OSBPL8: variants seen among roughly 807,000 people sequenced by gnomAD.
OSBPL8 encodes the protein oxysterol-binding protein-related protein 8.
In OSBPL8, 59 loss-of-function variants were observed where a neutral mutation model predicts 125.5. The ratio of observed to expected loss-of-function variants is 0.47; its 90% CI spans 0.38 to 0.58. The LOEUF (loss-of-function observed/expected upper bound fraction) is 0.58, where lower values mean the gene tolerates loss of function less well. Among genes scored for constraint, OSBPL8 ranks in the 20% least tolerant of loss-of-function variants. OSBPL8 has a pLI of 0.00. For missense variants in OSBPL8, 758 were observed against 1,047.8 expected, an observed-to-expected ratio of 0.72 and a Z score of 3.82; for synonymous variants, 330 against 338.9, an observed-to-expected ratio of 0.97 and a Z score of 0.29.
intron 4 of OSBPL8, among the ~76,000 whole-genome samples, chr12:76,445,753 T>C (rs1872661779): frequency 1.3e-5 from 2 of 152,288 alleles, no homozygotes; most frequent in South Asian, 2.1e-4. Flanking sequence ...CTAAGAGGAA[T>C]GTAAGAACGG....
intron 1 of OSBPL8, among the ~76,000 whole-genome samples, chr12:76,559,119 G>A (rs4761429): frequency 0.74 from 112,018 of 152,040 alleles, 41,671 homozygotes; most frequent in East Asian, 0.92. Flanking sequence ...ACAGACACCC[G>A]GGGCGGTCGA....
intron 4 of OSBPL8, chr12:76,422,789 AAGG>A (rs1869664677): frequency 6.6e-6 from 2 of 302,114 alleles, no homozygotes; most frequent in Non-Finnish European, 1.4e-5. Context: ...TTTAACAGCA[AAGG>A]AGAAGGACCA....
intron 8 of OSBPL8, 93 bp from the exon 9 acceptor site, chr12:76,394,822 T>G (rs1953724086): frequency 2.4e-6 from 2 of 830,574 alleles, no homozygotes; most frequent in South Asian, 2.2e-5. Flanking sequence ...ATAATCTAAA[T>G]CAGGTATGGA....
intron 21 of OSBPL8, among the ~76,000 whole-genome samples, chr12:76,364,609 C>T (rs1017064005): frequency 6.6e-6 from 1 of 152,228 alleles, no homozygotes; most frequent in Admixed American, 6.5e-5. Flanking sequence ...TGTAACAAAC[C>T]TGCACATTCT....
chr12:76,521,200 A>C (rs117502483), intron 1 of OSBPL8, among the ~76,000 whole-genome samples: 1 of 152,332 alleles, frequency 6.6e-6, no homozygotes, highest in East Asian at 1.9e-4. Context: ...GGGTTTCCAC[A>C]ACAGTCAAAA....
intron 1 of OSBPL8, among the ~76,000 whole-genome samples, chr12:76,546,415 G>A (rs1221398519): frequency 6.6e-6 from 1 of 151,640 alleles, no homozygotes; most frequent in Admixed American, 6.6e-5. Flanking sequence ...AAATTCTTGG[G>A]AAAATAATAA....
At chr12:76,447,735 T>C (rs1439490749) in intron 4 of OSBPL8, among the ~76,000 whole-genome samples, 5 of 152,200 alleles carry the variant, frequency 3.3e-5, no homozygotes, top group Admixed American at 1.3e-4. Flanking sequence ...TAAGTAGAGA[T>C]GGGGTTTCAC....
At chr12:76,449,662 T>C (rs1359109365) in intron 4 of OSBPL8, among the ~76,000 whole-genome samples, 3 of 152,200 alleles carry the variant, frequency 2.0e-5, no homozygotes, top group Non-Finnish European at 4.4e-5. Context: ...AAGATTTTAA[T>C]ATTCTGTGCA....
At position 76,379,269 on chromosome 12, in the gene OSBPL8, A is replaced by G. The variant is rs573666954; in HGVS notation, c.1631-719T>C. 1.3e-3 allele frequency among the ~76,000 whole-genome samples: 196 copies of G among 152,308 alleles called. 1 individual carries two copies. The highest frequency in any genetic ancestry group is 0.01 in the Middle Eastern group (3 of 294). On this transcript the variant is annotated intron_variant, in intron 15 of 23. Transcript: ENST00000261183. ...ATAATTAATCCTATAGACAATTTAG[A>G]AAAATAAAAAATATATATAAAGCAC... is the stretch of plus-strand genomic sequence containing the variant.
At chr12:76,543,520 T>A (rs951670814) in intron 1 of OSBPL8, among the ~76,000 whole-genome samples, 1 of 152,160 alleles carries the variant, frequency 6.6e-6, no homozygotes. Flanking sequence ...ATTGTGCAAT[T>A]AGGAGTTTAC....
chr12:76,484,587 T>C lies in OSBPL8; in HGVS notation c.42+2923A>G, dbSNP rs534155148. On this transcript the variant is annotated intron_variant, in intron 2 of 23. Transcript: ENST00000261183. ...GGGAGGTAGATATTACAATTATCTC[T>C]ATTTATAAGGAAACTAGAAACCTGG... Among the ~76,000 whole-genome samples the C allele has an allele frequency of 9.2e-5, 14 of 152,346 alleles. No individual in the cohort carries two copies. The South Asian group carries it at 1.7e-3, about 18-fold the overall frequency.
intron 18 of OSBPL8, 50 bp from the exon 19 acceptor site, chr12:76,371,634 C>T (rs1223918307): frequency 2.1e-6 from 3 of 1,435,640 alleles, no homozygotes; most frequent in African/African-American, 2.9e-5. Context: ...ACTTAGAAGG[C>T]AATTATATAG....
intron 1 of OSBPL8, among the ~76,000 whole-genome samples, chr12:76,530,604 G>A (rs1009478): frequency 0.31 from 47,013 of 151,842 alleles, 7,597 homozygotes; most frequent in Non-Finnish European, 0.36. Context: ...ATCCCCACAT[G>A]TAAGTATAGT....
intron 1 of OSBPL8, among the ~76,000 whole-genome samples, chr12:76,542,575 TA>T (rs1950677031): frequency 1.3e-5 from 2 of 152,220 alleles, no homozygotes; most frequent in South Asian, 4.1e-4. Context: ...GCATTTCTAC[TA>T]AGTTCCCAAG....
chr12:76,399,528 T>C (rs550096219), intron 7 of OSBPL8, among the ~76,000 whole-genome samples: 1 of 152,330 alleles, frequency 6.6e-6, no homozygotes, highest in South Asian at 2.1e-4. Flanking sequence ...ATCCTTTCAA[T>C]AATATACCAA....
intron 3 of OSBPL8, 100 bp downstream of exon 3, chr12:76,459,759 T>C (rs1874484093): frequency 7.3e-7 from 1 of 1,375,428 alleles, no homozygotes; most frequent in Non-Finnish European, 1.0e-6. Flanking sequence ...AGTAGAACAC[T>C]TAATAATTCA....
intron 17 of OSBPL8, among the ~76,000 whole-genome samples, chr12:76,374,030 T>C (rs1952719956): frequency 6.6e-6 from 1 of 152,120 alleles, no homozygotes; most frequent in Non-Finnish European, 1.5e-5. Context: ...TCTTCAAACA[T>C]TATCATCACC....
intron 1 of OSBPL8, among the ~76,000 whole-genome samples, chr12:76,540,363 C>T (rs551638784): frequency 9.2e-5 from 14 of 152,178 alleles, no homozygotes; most frequent in South Asian, 2.1e-4. Flanking sequence ...ATAAAATACA[C>T]GCAATCAATG....
chr12:76,559,194 T>G (rs1195553601), intron 1 of OSBPL8, among the ~76,000 whole-genome samples: 1 of 152,132 alleles, frequency 6.6e-6, no homozygotes, highest in Non-Finnish European at 1.5e-5. Flanking sequence ...CAGATGCACC[T>G]ACTGTGGGCC....
Sources: allele counts gnomAD v4.1 joint callset (sites outside exome capture counted in the v4.1 genomes callset), GRCh38; gene constraint gnomAD v4.1.1; transcripts MANE v1.5; gene names NCBI Gene and HGNC (gene_info 2026-07-23, HGNC 2026-07-21).